The following AK9 variants were observed in gnomAD, a reference collection of about 807,000 sequenced individuals.
AK9 encodes the protein adenylate kinase domain containing 1.
A neutral mutation model predicts 239.6 loss-of-function variants in AK9; 191 were observed. The ratio of observed to expected loss-of-function variants is 0.80; its 90% confidence interval spans 0.71 to 0.90. The LOEUF (loss-of-function observed/expected upper bound fraction) is 0.90. Ranked by LOEUF, AK9 falls within the 40% of genes least tolerant of loss-of-function variation. AK9 has a pLI of 0.00. For missense variants in AK9, 1,995 were observed against 2,214.7 expected, an observed-to-expected ratio of 0.90 and a Z score of 1.99; for synonymous variants, 689 against 721.0, an observed-to-expected ratio of 0.96 and a Z score of 0.71.
rs1776713118 is a variant in AK9 at position 109,493,348 on chromosome 6, GGCT to G, written c.*18_*20del. The G allele has an allele frequency of 6.3e-7, 1 of 1,599,302 alleles. No individual in the cohort carries two copies. Among genetic ancestry groups the G allele is most frequent in the Non-Finnish European group, 8.6e-7 (1 of 1,167,978 alleles). On this transcript the variant is annotated 3_prime_UTR_variant, in exon 41 of 41. Transcript: ENST00000424296. ...ACTTTCAGATAACTCTTGAGATTCA[GGCT>G]GCTATCACCTAAGTAAACTACCCAT...
chr6:109,656,872 C>T lies in AK9; in HGVS notation c.643G>A (p.Glu215Lys), dbSNP rs765324802. The change falls in exon 8 of 41, where the codon GAA (glutamate) becomes AAA (lysine). Residue 215 changes from glutamate (E) to lysine (K), a missense_variant. By Grantham distance (56) the Glu-to-Lys change is moderately conservative. This residue lies in a region of AK9 where 17 missense variants were observed against 39.1 expected (regional missense o/e 0.43). Transcript: ENST00000424296. ...AGAATTTCAGCCACCATCTGCATTT[C>T]GGCAATAAATGCCTAAATGGAAAAG... The part of the protein sequence containing the change: ...EQEEEEAFIA[E>K]MQMVAEILHH... 1.6e-4 allele frequency: 258 copies of T among 1,612,376 alleles called. 2 individuals carry two copies. In the East Asian group the frequency reaches 4.5e-3, roughly 28 times the overall value.
At chr6:109,549,488 TA>T (rs1784035618) in intron 25 of AK9, among the ~76,000 whole-genome samples, 2 of 152,158 alleles carry the variant, frequency 1.3e-5, no homozygotes, top group African/African-American at 4.8e-5. Flanking sequence ...CTCACTATAG[TA>T]AGGAATTAAT....
At chr6:109,555,822 A>T (rs1784952587) in intron 24 of AK9, among the ~76,000 whole-genome samples, 1 of 152,152 alleles carries the variant, frequency 6.6e-6, no homozygotes, top group Admixed American at 6.5e-5. Flanking sequence ...AGAGACTAAG[A>T]TTGTGACCCC....
intron 17 of AK9, among the ~76,000 whole-genome samples, chr6:109,602,014 C>T (rs1022560948): frequency 1.3e-5 from 2 of 152,112 alleles, no homozygotes; most frequent in African/African-American, 4.8e-5. Context: ...ACTGATGGGT[C>T]TTGACTCTTT....
intron 10 of AK9, among the ~76,000 whole-genome samples, chr6:109,641,200 G>A (rs1583380228): frequency 6.8e-6 from 1 of 146,656 alleles, no homozygotes; most frequent in Non-Finnish European, 1.5e-5. Flanking sequence ...ATAGCATCTG[G>A]CTCTGTTGCC....
intron 12 of AK9, among the ~76,000 whole-genome samples, chr6:109,630,580 A>G (rs1173358621): frequency 1.3e-5 from 2 of 152,162 alleles, no homozygotes; most frequent in African/African-American, 4.8e-5. Context: ...GGTGGTTCAC[A>G]CTTGTAATCC....
chr6:109,593,754 T>C (rs1216730946), intron 17 of AK9, among the ~76,000 whole-genome samples: 1 of 152,036 alleles, frequency 6.6e-6, no homozygotes, highest in Non-Finnish European at 1.5e-5. Context: ...ACAGAACCAA[T>C]GACAAAAACC....
intron 3 of AK9, 86 bp downstream of exon 3, chr6:109,674,112 T>C (rs1771341113): frequency 2.8e-6 from 3 of 1,062,468 alleles, no homozygotes; most frequent in East Asian, 5.5e-5. Context: ...GGTGAGTATA[T>C]GGGCATTCAC....
At chr6:109,542,954 T>G (rs1490046501) in intron 26 of AK9, among the ~76,000 whole-genome samples, 2 of 152,174 alleles carry the variant, frequency 1.3e-5, no homozygotes, top group Admixed American at 6.5e-5. Flanking sequence ...CTTTTTCAAT[T>G]TATCACACAC....
At chr6:109,673,428 T>C (rs914740912) in intron 3 of AK9, among the ~76,000 whole-genome samples, 1 of 152,168 alleles carries the variant, frequency 6.6e-6, no homozygotes, top group African/African-American at 2.4e-5. Flanking sequence ...AACTCTCTTT[T>C]CTTATATTGT....
Position 109,579,476 on chromosome 6 carries a change from T to A in AK9, c.2191+74A>T, listed in dbSNP as rs1200864493. The A allele has an allele frequency of 5.0e-6, 7 of 1,399,092 alleles. No homozygotes were observed. The East Asian group carries it at 1.8e-4, about 35-fold the overall frequency. The allele number at this position is 1,399,092 out of a possible 1,614,324, so 86.7% of individuals were successfully genotyped here. A position where few individuals can be genotyped will look rare whatever the true frequency, so the allele number is the denominator to read the frequency against. The stretch of plus-strand genomic sequence containing the variant: ...GGAAATGTGATCACCCAGTCTATAA[T>A]TCACTTGAAATACTGCAATTGCTTG... On this transcript the variant is annotated intron_variant, in intron 20 of 40. Coordinates refer to ENST00000424296, the MANE Select transcript of AK9 (RefSeq NM_001145128.3).
chr6:109,504,801 T>C (rs957732548), intron 35 of AK9, among the ~76,000 whole-genome samples: 4 of 152,152 alleles, frequency 2.6e-5, no homozygotes, highest in African/African-American at 7.2e-5. Flanking sequence ...AGAGTGAGAC[T>C]CCTTCAAGAA....
chr6:109,657,066 T>C (rs945960043), intron 7 of AK9, among the ~76,000 whole-genome samples, 182 bp from the exon 8 acceptor site: 3 of 152,170 alleles, frequency 2.0e-5, no homozygotes, highest in African/African-American at 7.2e-5. Flanking sequence ...CTTCATCAGA[T>C]GGAATAAAGC....
intron 32 of AK9, among the ~76,000 whole-genome samples, chr6:109,514,006 C>T (rs546542111): frequency 6.6e-6 from 1 of 152,318 alleles, no homozygotes; most frequent in African/African-American, 2.4e-5. Context: ...GATTTTTGCA[C>T]TTCAATTCAG....
In AK9 at chr6:109,675,767, A is replaced by G; in HGVS notation, c.-11-11T>C. On this transcript the variant is annotated splice_polypyrimidine_tract_variant and intron_variant, in intron 1 of 40. Transcript: ENST00000424296. ...TCATGACACAAAATACTACAATAAA[A>G]AAGGGTAAGATTGTTAACTTGTCTA... 6.9e-7 allele frequency: 1 copy of G among 1,451,344 alleles called. No individual in the cohort carries two copies. The highest frequency in any genetic ancestry group is 1.3e-5 in the South Asian group (1 of 79,970). The allele number at this position is 1,451,344 out of a possible 1,614,324, so 89.9% of individuals were successfully genotyped here.
chr6:109,674,493 C>T (rs893466638), intron 2 of AK9, among the ~76,000 whole-genome samples: 2 of 152,124 alleles, frequency 1.3e-5, no homozygotes, highest in Non-Finnish European at 2.9e-5. Context: ...ATATTAAGTA[C>T]ATAGCCCTAA....
chr6:109,622,785 C>T (rs928541438), intron 12 of AK9, among the ~76,000 whole-genome samples: 3 of 151,278 alleles, frequency 2.0e-5, no homozygotes, highest in Admixed American at 6.6e-5. Flanking sequence ...ATGATGAACA[C>T]AATTATCTAC....
chr6:109,496,367 G>A (rs944744610), intron 38 of AK9, among the ~76,000 whole-genome samples: 3 of 152,204 alleles, frequency 2.0e-5, no homozygotes, highest in African/African-American at 7.2e-5. Flanking sequence ...TGCAGGCACT[G>A]TGTTTGTTTG....
chr6:109,613,593 A>G (rs1793822299), intron 15 of AK9, among the ~76,000 whole-genome samples: 1 of 151,986 alleles, frequency 6.6e-6, no homozygotes, highest in South Asian at 2.1e-4. Context: ...GAAATTGTGC[A>G]GTAACTTATA....
Sources: gnomAD v4.1 joint callset for allele counts (sites outside exome capture counted in the v4.1 genomes callset) on GRCh38, gnomAD v4.1.1 for gene constraint, gnomAD v4.1.1 regional missense constraint, MANE v1.5 for transcripts, NCBI Gene and HGNC (gene_info 2026-07-23, HGNC 2026-07-21) for gene names.